Variants in UGT2B28 observed in about 807,000 individuals in gnomAD.
UGT2B28 encodes UDP glucuronosyltransferase family 2 member B28.
Under a neutral mutation model 43.6 loss-of-function variants are expected in UGT2B28, and 45 were observed. The observed-to-expected ratio is 1.03, with a 90% CI of 0.81 to 1.32. UGT2B28 has a LOEUF of 1.32. UGT2B28 is among the 40% of genes most tolerant of loss of function. The pLI, the probability that UGT2B28 is intolerant of heterozygous loss-of-function variation, is 0.00. For synonymous variants in UGT2B28, 204 were observed against 208.1 expected, an observed-to-expected ratio of 0.98 and a Z score of 0.17; for missense variants, 649 against 625.5, an observed-to-expected ratio of 1.04 and a Z score of -0.40.
At chr4:69,291,370 G>T (rs1577997283) in intron 5 of UGT2B28, among the ~76,000 whole-genome samples, 1 of 140,222 alleles carries the variant, frequency 7.1e-6, no homozygotes, top group South Asian at 2.4e-4. Flanking sequence ...AAACTGCAAT[G>T]ACACCAAAAT....
rs1413182890 is a variant in UGT2B28 at position 69,285,559 on chromosome 4, T to C, written c.871-1193T>C. On this transcript the variant is annotated intron_variant, in intron 2 of 5. Transcript: ENST00000335568. ...AAGCCCCAGGTATTACGTGGAATAG[T>C]AGTACAAGGACTCTCACGTTAACGT... is the stretch of plus-strand genomic sequence containing the variant. 1.4e-5 allele frequency among the ~76,000 whole-genome samples: 2 copies of C among 140,462 alleles called. 1 individual carries two copies. Among genetic ancestry groups the C allele is most frequent in the Non-Finnish European group, 3.0e-5 (2 of 65,886 alleles). The allele number at this position is 140,462 out of a possible 152,430, so 92.1% of individuals were successfully genotyped here. A position where few individuals can be genotyped will look rare whatever the true frequency, so the allele number is the denominator to read the frequency against.
chr4:69,281,491 C>T (rs1055460879), intron 1 of UGT2B28, among the ~76,000 whole-genome samples: 1 of 140,774 alleles, frequency 7.1e-6, no homozygotes, highest in Non-Finnish European at 1.5e-5. Context: ...AGCAATTACA[C>T]ATCTGTTTTA....
chr4:69,285,911 T>G lies in UGT2B28; in HGVS notation c.871-841T>G, dbSNP rs533463024. Among the ~76,000 whole-genome samples the G allele has an allele frequency of 3.5e-5, 5 of 141,166 alleles. 1 individual carries two copies. In the South Asian group the frequency reaches 9.4e-4, roughly 27 times the overall value. The allele number at this position is 141,166 out of a possible 152,430, so 92.6% of individuals were successfully genotyped here. ...GTGCTGCCTCTGAGACACAACAAAG[T>G]GATGATGAGAGTTCCTCACATGCAG... is the stretch of plus-strand genomic sequence containing the variant. On this transcript the variant is annotated intron_variant, in intron 2 of 5. Coordinates refer to ENST00000335568, the MANE Select transcript of UGT2B28 (RefSeq NM_053039.2).
rs1723892641 is a variant in UGT2B28, at chr4:69,289,763, G to A, written c.1090+11G>A. On this transcript the variant is annotated intron_variant, in intron 4 of 5. Coordinates refer to ENST00000335568, the MANE Select transcript of UGT2B28 (RefSeq NM_053039.2). ...AGAATGACCTTCTAGGTAACACTCTGGTGAACAAATACTGGATATATTAGT... is the reference window on the plus strand; with the variant it reads ...AGAATGACCTTCTAGGTAACACTCTAGTGAACAAATACTGGATATATTAGT... 8 of 1,532,040 alleles carry A rather than the reference G, an allele frequency of 5.2e-6. 2 individuals are homozygous for A. The highest frequency in any genetic ancestry group is 7.0e-6 in the Non-Finnish European group (8 of 1,137,812). The allele number at this position is 1,532,040 out of a possible 1,614,324, so 94.9% of individuals were successfully genotyped here.
intron 2 of UGT2B28, among the ~76,000 whole-genome samples, chr4:69,286,390 TG>T (rs1177553292): frequency 7.1e-6 from 1 of 140,626 alleles, no homozygotes; most frequent in African/African-American, 2.8e-5. Flanking sequence ...TAAAGCCTAG[TG>T]GTGCCACTTT....
rs1297766699 is a variant in UGT2B28 at position 69,282,622 on chromosome 4, T to C, written c.830T>C (p.Val277Ala). The C allele has an allele frequency of 6.4e-7, 1 of 1,554,206 alleles. No individual in the cohort carries two copies. Among genetic ancestry groups the C allele is most frequent in the Non-Finnish European group, 8.7e-7 (1 of 1,153,130 alleles). ...PHPFLPNIDF[V>A]GGLHCKPAKP... ...CCATTCTTACCAAACATTGATTTTG[T>C]TGGAGGACTCCACTGCAAACCTGCC... is the stretch of plus-strand genomic sequence containing the variant. The change falls in exon 2 of 6, where the codon GTT (valine) becomes GCT (alanine). Residue 277 changes from valine (V) to alanine (A), a missense_variant. Physicochemically the swap from Val to Ala is moderately conservative, Grantham distance 64. Transcript: ENST00000335568.
chr4:69,285,573 T>C lies in UGT2B28; in HGVS notation c.871-1179T>C, dbSNP rs1039867616. ...ACGTGGAATAGTAGTACAAGGACTC[T>C]CACGTTAACGTAAGATTAAAAATCA... is the stretch of plus-strand genomic sequence containing the variant. On this transcript the variant is annotated intron_variant, in intron 2 of 5. Transcript: ENST00000335568. 2.8e-5 allele frequency among the ~76,000 whole-genome samples: 4 copies of C among 140,866 alleles called. 1 individual carries two copies. Among genetic ancestry groups the C allele is most frequent in the Non-Finnish European group, 6.1e-5 (4 of 65,966 alleles). 92.4% of individuals were successfully genotyped at this position (140,866 alleles called of 152,430 possible). A position where few individuals can be genotyped will look rare whatever the true frequency, so the allele number is the denominator to read the frequency against.
intron 1 of UGT2B28, among the ~76,000 whole-genome samples, chr4:69,281,841 T>C (rs549459211): frequency 1.4e-5 from 2 of 140,998 alleles, no homozygotes; most frequent in African/African-American, 2.8e-5. Context: ...AAGGTTGTTA[T>C]ATCTATATAG....
chr4:69,288,663 T>G (rs574615514), intron 3 of UGT2B28, among the ~76,000 whole-genome samples: 1,458 of 139,250 alleles, frequency 0.01, 278 homozygotes, highest in Middle Eastern at 0.029. Context: ...TGTCATGGGG[T>G]TTTGTTGTAC....
chr4:69,291,779 A>C (rs1723962746), intron 5 of UGT2B28, among the ~76,000 whole-genome samples: 1 of 140,416 alleles, frequency 7.1e-6, no homozygotes, highest in Non-Finnish European at 1.5e-5. Flanking sequence ...CTGTATGTTT[A>C]TGAAGAACTG....
chr4:69,282,730 T>C, intron 2 of UGT2B28, 68 bp downstream of exon 2: 2 of 1,498,564 alleles, frequency 1.3e-6, no homozygotes, highest in Non-Finnish European at 1.8e-6. Context: ...TCTATAGCCT[T>C]CATTCAAAAT....
chr4:69,294,740 C>G lies in UGT2B28; in HGVS notation c.1521C>G (p.Val507=). The G allele has an allele frequency of 6.4e-7, 1 of 1,558,608 alleles. No homozygotes were observed. Among genetic ancestry groups the G allele is most frequent in the Non-Finnish European group, 8.7e-7 (1 of 1,154,968 alleles). The part of the protein sequence containing the change: ...LLACVATVIF[V]VTKFCLFCFW... The stretch of plus-strand genomic sequence containing the variant: ...CCTGTGTGGCAACTGTGATATTTGT[C>G]GTCACAAAGTTTTGTCTGTTTTGTT... Residue 507 remains valine, a synonymous_variant, in exon 6 of 6, where the codon GTC becomes GTG. Coordinates refer to ENST00000335568, the MANE Select transcript of UGT2B28 (RefSeq NM_053039.2).
Position 69,281,245 on chromosome 4 carries a change from C to G in UGT2B28, c.721+24C>G. On this transcript the variant is annotated intron_variant, in intron 1 of 5. Coordinates refer to ENST00000335568, the MANE Select transcript of UGT2B28 (RefSeq NM_053039.2). ...AGGTAAGAATTTGTTTAATCGGGAA[C>G]TTGAAGATCTAACTTATTTGTGTCT... 2.0e-6 allele frequency: 3 copies of G among 1,469,638 alleles called. 1 individual carries two copies. The highest frequency in any genetic ancestry group is 2.7e-6 in the Non-Finnish European group (3 of 1,115,722). 91.0% of individuals were successfully genotyped at this position (1,469,638 alleles called of 1,614,324 possible).
Position 69,281,139 on chromosome 4 carries a change from C to T in UGT2B28, c.639C>T (p.Asn213=), listed in dbSNP as rs542781153. The change falls in exon 1 of 6, where the codon AAC becomes AAT. Residue 213 remains asparagine (N), a synonymous_variant. Coordinates refer to ENST00000335568, the MANE Select transcript of UGT2B28 (RefSeq NM_053039.2). ...DQMTFMERVK[N]MIYVLYFDFW... is the part of the protein sequence containing the mutation. ...TGACTTTCATGGAGAGGGTAAAAAACATGATCTATGTGCTTTATTTTGACT... is the reference window on the plus strand; with the variant it reads ...TGACTTTCATGGAGAGGGTAAAAAATATGATCTATGTGCTTTATTTTGACT... 2.0e-4 allele frequency: 312 copies of T among 1,557,544 alleles called. 34 individuals are homozygous for T. In the East Asian group the frequency reaches 2.1e-3, roughly 11 times the overall value.
rs140267024 is a variant in UGT2B28, at chr4:69,282,567, C to T, written c.775C>T (p.Arg259Ter). The change falls in exon 2 of 6, where the codon CGA becomes TGA. Residue 259 changes from arginine to a stop codon, truncating the protein, a stop_gained. Coordinates refer to ENST00000335568, the MANE Select transcript of UGT2B28 (RefSeq NM_053039.2). LOFTEE classifies it high-confidence loss of function. Reference sequence around the variant, plus strand: ...GGGGAAAGCTGACATATGGCTTATGCGAAACTCCTGGAGTTTTCAATTTCC... The same window carrying T: ...GGGGAAAGCTGACATATGGCTTATGTGAAACTCCTGGAGTTTTCAATTTCC... ...TMGKADIWLM[R>*]NSWSFQFPHP... is the part of the protein sequence containing the mutation. 1.0e-4 allele frequency: 160 copies of T among 1,553,586 alleles called. 32 individuals carry two copies. In the African/African-American group the frequency reaches 1.5e-3, roughly 15 times the overall value.
chr4:69,285,786 C>T (rs1358282391), intron 2 of UGT2B28, among the ~76,000 whole-genome samples: 1 of 140,878 alleles, frequency 7.1e-6, no homozygotes, highest in Non-Finnish European at 1.5e-5. Context: ...CAGCCAAGCA[C>T]ATCTTCACCA....
At position 69,282,080 on chromosome 4, in the gene UGT2B28, A is replaced by C. The variant is rs2086645305; in HGVS notation, c.722-434A>C. The stretch of plus-strand genomic sequence containing the variant: ...GTTCACTTGAAGAACCAAAGATAAA[A>C]GGATTAGCTTAAGGAGTTGTGTAAA... On this transcript the variant is annotated intron_variant, in intron 1 of 5. Coordinates refer to ENST00000335568, the MANE Select transcript of UGT2B28 (RefSeq NM_053039.2). 1.4e-5 allele frequency among the ~76,000 whole-genome samples: 2 copies of C among 140,328 alleles called. 1 individual carries two copies. The allele number at this position is 140,328 out of a possible 152,430, so 92.1% of individuals were successfully genotyped here. A position where few individuals can be genotyped will look rare whatever the true frequency, so the allele number is the denominator to read the frequency against.
intron 1 of UGT2B28, 27 bp from the exon 2 acceptor site, chr4:69,282,487 A>G: frequency 6.5e-7 from 1 of 1,531,130 alleles, no homozygotes; most frequent in Non-Finnish European, 8.7e-7. Context: ...TACATCATCC[A>G]CTTTTTCTTT....
intron 3 of UGT2B28, 101 bp downstream of exon 3, chr4:69,286,984 C>G: frequency 6.8e-7 from 1 of 1,472,768 alleles, no homozygotes. Flanking sequence ...GAACTCTTTA[C>G]AGCCAAATAC....
Sources: allele counts gnomAD v4.1 joint callset (sites outside exome capture counted in the v4.1 genomes callset), GRCh38; gene constraint gnomAD v4.1.1; transcripts MANE v1.5; gene names NCBI Gene and HGNC (gene_info 2026-07-23, HGNC 2026-07-21).